ATP8B4: variants seen among roughly 807,000 people sequenced by gnomAD.
ATP8B4 encodes ATPase phospholipid transporting 8B4 (putative), also known as probable phospholipid-transporting ATPase IM.
ATP8B4 carries 133 observed loss-of-function variants against 145.6 expected under a neutral mutation model. That is an observed-to-expected ratio of 0.91 (90% CI 0.79 to 1.05). ATP8B4 has a LOEUF of 1.05. ATP8B4 is among the 50% of genes least tolerant of loss of function. The pLI is 0.00. For synonymous variants in ATP8B4, 507 were observed against 492.9 expected, an observed-to-expected ratio of 1.03 and a Z score of -0.38; for missense variants, 1,458 against 1,425.2, an observed-to-expected ratio of 1.02 and a Z score of -0.37.
In ATP8B4 at chr15:49,897,421, C is replaced by T; in HGVS notation, c.2568G>A (p.Arg856=). The change falls in exon 23 of 28, where the codon AGG becomes AGA. Residue 856 remains arginine, a synonymous_variant. Coordinates refer to ENST00000284509, the MANE Select transcript of ATP8B4 (RefSeq NM_024837.4). ...YSFAQFRYLQ[R]LLLVHGRWSY... ...ACCACCTTCCATGAACAAGGAGAAG[C>T]CTTTGGAGATATCTAAACTGTGCAA... The T allele has an allele frequency of 6.2e-7, 1 of 1,613,902 alleles. No homozygotes were observed. Among genetic ancestry groups the T allele is most frequent in the Non-Finnish European group, 8.5e-7 (1 of 1,179,870 alleles).
rs1487818317 is a variant in ATP8B4 at position 50,050,616 on chromosome 15, T to A, written c.88-3152A>T. On this transcript the variant is annotated intron_variant, in intron 3 of 27. Coordinates refer to ENST00000284509, the MANE Select transcript of ATP8B4 (RefSeq NM_024837.4). ...GTTCTTCCAAAGCTGTAGACAAATA[T>A]ACATTAAAAAAAAAACAGGCTAAAT... Among the ~76,000 whole-genome samples the A allele has an allele frequency of 2.6e-5, 4 of 151,522 alleles. No homozygotes were observed. The East Asian group carries it at 5.8e-4, about 22-fold the overall frequency.
intron 1 of ATP8B4, among the ~76,000 whole-genome samples, chr15:50,150,191 T>A (rs2044330101): frequency 6.6e-6 from 1 of 152,198 alleles, no homozygotes; most frequent in Admixed American, 6.5e-5. Context: ...GCAGGTGAGC[T>A]TGAACAGTGA....
At chr15:50,086,909 T>TTATATATAATAAAATAATAGAGATCTA (rs2055170414) in intron 2 of ATP8B4, among the ~76,000 whole-genome samples, 1 of 59,786 alleles carries the variant, frequency 1.7e-5, no homozygotes, top group Admixed American at 2.1e-4. Flanking sequence ...GAGATCTATA[T>TTATATATAATAAAATAATAGAGATCTA]TATTATATAT....
chr15:50,158,360 G>C (rs555945385), intron 1 of ATP8B4, among the ~76,000 whole-genome samples: 2 of 148,948 alleles, frequency 1.3e-5, no homozygotes, highest in Non-Finnish European at 3.0e-5. Context: ...GAGCGTCTCC[G>C]CCCGGCAGCC....
Position 49,923,385 on chromosome 15 carries a change from G to A in ATP8B4, c.1752C>T (p.His584=), listed in dbSNP as rs1566998416. ...NEVLLSLTSD[H]LSEFAGEGLR... is the part of the protein sequence containing the mutation. ...TTAAGACGGAGGCACTTACACTGAG[G>A]TGGTCTGACGTCAAAGACAAAAGGA... The change falls in exon 17 of 28, where the codon CAC becomes CAT. Residue 584 remains histidine, a synonymous_variant. Transcript: ENST00000284509. 5.6e-6 allele frequency: 9 copies of A among 1,605,402 alleles called. No homozygotes were observed. The highest frequency in any genetic ancestry group is 6.8e-6 in the Non-Finnish European group (8 of 1,172,424).
intron 20 of ATP8B4, among the ~76,000 whole-genome samples, chr15:49,913,036 T>A (rs1404399111): frequency 2.0e-5 from 3 of 151,572 alleles, no homozygotes; most frequent in African/African-American, 7.3e-5. Flanking sequence ...GACGCTGAAG[T>A]GGGAGGATCA....
chr15:50,031,207 A>G (rs1300501416), intron 6 of ATP8B4, among the ~76,000 whole-genome samples: 5 of 152,138 alleles, frequency 3.3e-5, no homozygotes, highest in Admixed American at 1.3e-4. Context: ...TACACCCATA[A>G]AAGTGTGTTT....
rs559674734 is a variant in ATP8B4 at position 50,175,919 on chromosome 15, T to C, written c.-43+6342A>G. Among the ~76,000 whole-genome samples, 14 of 152,220 alleles carry C rather than the reference T, an allele frequency of 9.2e-5. No individual in the cohort carries two copies. In the South Asian group the frequency reaches 2.7e-3, roughly 29 times the overall value. On this transcript the variant is annotated intron_variant, in intron 1 of 3. Coordinates refer to the ATP8B4 transcript ENST00000558829. The stretch of plus-strand genomic sequence containing the variant: ...CACACGCATGTTTATAGCAGCACAA[T>C]TTACAATTGCAAAATCATGGAACCA...
At chr15:50,071,466 T>C (rs867076237) in intron 3 of ATP8B4, among the ~76,000 whole-genome samples, 3 of 152,222 alleles carry the variant, frequency 2.0e-5, no homozygotes, top group East Asian at 3.8e-4. Context: ...TTGTTGCATA[T>C]TGGAAAACAA....
At chr15:50,095,851 A>G (rs534055759) in intron 2 of ATP8B4, among the ~76,000 whole-genome samples, 1 of 152,314 alleles carries the variant, frequency 6.6e-6, no homozygotes, top group African/African-American at 2.4e-5. Context: ...CATCAGCGCT[A>G]TAGTAACAGA....
chr15:50,025,106 C>T (rs16963251), intron 6 of ATP8B4, among the ~76,000 whole-genome samples: 24,995 of 152,118 alleles, frequency 0.16, 2,167 homozygotes, highest in Middle Eastern at 0.3. Context: ...GTAATTATTG[C>T]GTATCAACTG....
intron 16 of ATP8B4, among the ~76,000 whole-genome samples, chr15:49,930,150 G>C (rs1388212376): frequency 1.3e-5 from 2 of 152,004 alleles, no homozygotes; most frequent in Non-Finnish European, 2.9e-5. Flanking sequence ...GGAGGGATAA[G>C]GAATGGGACT....
At position 49,879,435 on chromosome 15, in the gene ATP8B4, T is replaced by C. The variant is rs1257075969; in HGVS notation, c.2722A>G (p.Thr908Ala). 2.5e-6 allele frequency: 4 copies of C among 1,611,928 alleles called. No homozygotes were observed. The highest frequency in any genetic ancestry group is 4.5e-5 in the East Asian group (2 of 44,816). Residue 908 changes from threonine to alanine, a missense_variant, in exon 24 of 28, where the codon ACC (threonine) becomes GCC (alanine). Coordinates refer to ENST00000284509, the MANE Select transcript of ATP8B4 (RefSeq NM_024837.4). Reference protein sequence around the residue: ...AQTVYDQWFITLFNIVYTSLP... With the variant: ...AQTVYDQWFIALFNIVYTSLP... ...GATGTGTAAACAATGTTAAAAAGGG[T>C]GATGAACCACTGGTCATAAACAGTC...
intron 1 of ATP8B4, among the ~76,000 whole-genome samples, chr15:50,144,003 C>G (rs768120629): frequency 4.6e-5 from 7 of 152,156 alleles, no homozygotes; most frequent in African/African-American, 7.2e-5. Flanking sequence ...AATGGAAGGG[C>G]TTTTTGAGAC....
intron 2 of ATP8B4, among the ~76,000 whole-genome samples, chr15:50,090,217 G>C (rs901436846): frequency 1.2e-4 from 19 of 152,182 alleles, no homozygotes; most frequent in African/African-American, 4.6e-4. Flanking sequence ...TGTGGGGTAG[G>C]GGAACAACGG....
At chr15:50,072,884 T>C (rs1044743722) in intron 3 of ATP8B4, among the ~76,000 whole-genome samples, 2 of 139,222 alleles carry the variant, frequency 1.4e-5, no homozygotes, top group African/African-American at 2.7e-5. Context: ...CCTCCCAAAC[T>C]AGTGTTGGGA....
intron 2 of ATP8B4, among the ~76,000 whole-genome samples, chr15:50,095,417 C>G (rs1210478498): frequency 6.6e-6 from 1 of 152,080 alleles, no homozygotes; most frequent in Non-Finnish European, 1.5e-5. Flanking sequence ...GTAAACTTTA[C>G]AAGGATCTGA....
chr15:50,001,057 CTTT>C (rs138509049), intron 8 of ATP8B4, among the ~76,000 whole-genome samples: 18 of 150,934 alleles, frequency 1.2e-4, no homozygotes, highest in African/African-American at 4.4e-4. Context: ...TGTGTCTTCT[CTTT>C]TTTTTTCTTT....
At chr15:50,064,421 G>T (rs1298338395) in intron 3 of ATP8B4, among the ~76,000 whole-genome samples, 1 of 152,058 alleles carries the variant, frequency 6.6e-6, no homozygotes, top group South Asian at 2.1e-4. Context: ...GCTGTCCTCT[G>T]CTTAATTCCT....
Sources: allele counts gnomAD v4.1 joint callset (sites outside exome capture counted in the v4.1 genomes callset), GRCh38; gene constraint gnomAD v4.1.1; transcripts MANE v1.5; gene names NCBI Gene and HGNC (gene_info 2026-07-23, HGNC 2026-07-21).